Variants in APBB2 observed in about 807,000 individuals in gnomAD.
The protein encoded by APBB2 is amyloid beta precursor protein binding family B member 2.
APBB2 carries 38 observed loss-of-function variants against 82.5 expected under a neutral mutation model. The observed-to-expected ratio is 0.46, with a 90% CI of 0.36 to 0.60. APBB2 has a LOEUF of 0.60. Ranked by LOEUF, APBB2 falls within the 20% of genes least tolerant of loss-of-function variation. APBB2 has a pLI of 0.00. For missense variants in APBB2, 772 were observed against 972.3 expected (o/e 0.79, Z 2.74); for synonymous variants, 341 against 368.2 (o/e 0.93, Z 0.85).
chr4:40,881,076 T>C (rs1007385784), intron 12 of APBB2: 6 of 985,290 alleles, frequency 6.1e-6, no homozygotes, highest in African/African-American at 1.7e-5. Context: ...TCATGATTAA[T>C]GGAAGGCAGA....
At chr4:41,040,966 C>T (rs753334589) in intron 4 of APBB2, among the ~76,000 whole-genome samples, 11 of 152,080 alleles carry the variant, frequency 7.2e-5, no homozygotes, top group Non-Finnish European at 1.2e-4. Flanking sequence ...CTGCAAGCTC[C>T]GCCTCCCGAG....
chr4:40,881,888 C>T (rs936092726), intron 12 of APBB2, among the ~76,000 whole-genome samples: 4 of 152,078 alleles, frequency 2.6e-5, no homozygotes, highest in African/African-American at 9.7e-5. Context: ...TTATCACAGA[C>T]AATTTCTAAT....
At position 41,162,198 on chromosome 4, in the gene APBB2, C is replaced by CT. The variant is rs563526597; in HGVS notation, c.-416-19057dup. Among the ~76,000 whole-genome samples, 350 of 135,782 alleles carry CT rather than the reference C, an allele frequency of 2.6e-3. 1 individual carries two copies. Among genetic ancestry groups the CT allele is most frequent in the Middle Eastern group, 0.012 (3 of 248 alleles). The allele number at this position is 135,782 out of a possible 152,430, so 89.1% of individuals were successfully genotyped here. A position where few individuals can be genotyped will look rare whatever the true frequency, so the allele number is the denominator to read the frequency against. ...CTGATCAGTGTTCAAATTTCCCCGT[C>CT]TTTTTTTTTTTTTTTTTTACAATTT... On this transcript the variant is annotated intron_variant, in intron 1 of 17. Coordinates refer to ENST00000508593, the MANE Select transcript of APBB2 (RefSeq NM_004307.2).
chr4:41,024,158 C>T (rs906404456), intron 5 of APBB2, among the ~76,000 whole-genome samples: 1 of 152,192 alleles, frequency 6.6e-6, no homozygotes, highest in Non-Finnish European at 1.5e-5. Context: ...GGACCCTTTC[C>T]TTATACCGTA....
chr4:41,181,323 C>G (rs1771276292), intron 1 of APBB2, among the ~76,000 whole-genome samples: 1 of 152,160 alleles, frequency 6.6e-6, no homozygotes, highest in South Asian at 2.1e-4. Flanking sequence ...CTTCCGCTCC[C>G]TTACCTTGGA....
At chr4:40,920,278 C>A (rs1308123016) in intron 10 of APBB2, among the ~76,000 whole-genome samples, 1 of 152,168 alleles carries the variant, frequency 6.6e-6, no homozygotes, top group Non-Finnish European at 1.5e-5. Context: ...GTAAGATGTG[C>A]CTTTCGCCTT....
In APBB2 at chr4:41,127,053, T is replaced by TG. The variant is rs1754606000; in HGVS notation, c.-261+15933dup. On this transcript the variant is annotated intron_variant, in intron 2 of 17. Coordinates refer to ENST00000508593, the MANE Select transcript of APBB2 (RefSeq NM_004307.2). This position sits in a 1 kb window ranked among gnomAD's most constrained non-coding sequence, Gnocchi z 4.8. ...TTTCCATTTATTCTTACCAGTGCCA[T>TG]GAGGCTAGACTCAATAAACTCACAA... is the stretch of plus-strand genomic sequence containing the variant. Among the ~76,000 whole-genome samples the TG allele has an allele frequency of 6.6e-6, 1 of 152,182 alleles. No individual in the cohort carries two copies. The highest frequency in any genetic ancestry group is 1.5e-5 in the Non-Finnish European group (1 of 68,024).
intron 2 of APBB2, among the ~76,000 whole-genome samples, chr4:41,133,146 G>GT (rs1198175509): frequency 6.6e-6 from 1 of 151,870 alleles, no homozygotes; most frequent in Admixed American, 6.6e-5. Flanking sequence ...ATATGTACAC[G>GT]TAAGTGTGTA....
chr4:40,894,248 A>T lies in APBB2; in HGVS notation c.1255-837T>A, dbSNP rs555104423. Among the ~76,000 whole-genome samples, 4 of 152,100 alleles carry T rather than the reference A, an allele frequency of 2.6e-5. No homozygotes were observed. The South Asian group carries it at 8.3e-4, about 32-fold the overall frequency. On this transcript the variant is annotated intron_variant, in intron 10 of 17. Coordinates refer to ENST00000508593, the MANE Select transcript of APBB2 (RefSeq NM_004307.2). ...GCTTGCAGTGAGCCGAGATCGCGCC[A>T]CTGCACTCCAGCCTGGGTGACACAG... is the stretch of plus-strand genomic sequence containing the variant.
intron 10 of APBB2, among the ~76,000 whole-genome samples, chr4:40,914,688 A>G (rs1228738204): frequency 6.6e-6 from 1 of 152,240 alleles, no homozygotes; most frequent in Non-Finnish European, 1.5e-5. Flanking sequence ...CTAACTCTGT[A>G]TTTCCTCTAG....
intron 6 of APBB2, among the ~76,000 whole-genome samples, chr4:40,982,400 G>GGAAGAAAGAAAGAAA (rs1553894088): frequency 6.2e-5 from 1 of 16,050 alleles, no homozygotes; most frequent in African/African-American, 2.0e-4. Context: ...GGAAAGGAAA[G>GGAAGAAAGAAAGAAA]GAAAGAAAGA....
At chr4:40,852,351 CAAAAAA>C (rs771660810) in intron 12 of APBB2, among the ~76,000 whole-genome samples, 10 of 94,008 alleles carry the variant, frequency 1.1e-4, no homozygotes, top group East Asian at 6.4e-4. Flanking sequence ...ACTCTGTCTT[CAAAAAA>C]AAAAAAAAAA....
At chr4:41,164,709 A>G (rs1319811257) in intron 1 of APBB2, among the ~76,000 whole-genome samples, 1 of 152,266 alleles carries the variant, frequency 6.6e-6, no homozygotes. Context: ...CAGCTAGTTT[A>G]TCCTCTGGAC....
chr4:40,869,100 C>G (rs1197264424), intron 12 of APBB2, among the ~76,000 whole-genome samples: 1 of 152,050 alleles, frequency 6.6e-6, no homozygotes, highest in African/African-American at 2.4e-5. Flanking sequence ...GAGATCTTGG[C>G]TCACTGCAAT....
chr4:41,210,521 C>A (rs1779060976), intron 1 of APBB2, among the ~76,000 whole-genome samples: 2 of 152,166 alleles, frequency 1.3e-5, no homozygotes, highest in Admixed American at 1.3e-4. Context: ...GAGAGAAATG[C>A]CGTCAACACA....
At chr4:41,213,867 A>C (rs1779961150) in intron 1 of APBB2, among the ~76,000 whole-genome samples, 2 of 152,206 alleles carry the variant, frequency 1.3e-5, no homozygotes, top group African/African-American at 4.8e-5. Flanking sequence ...TGGAGAAGCC[A>C]ACCCCGGCTC....
intron 4 of APBB2, among the ~76,000 whole-genome samples, chr4:41,060,734 G>A (rs574209543): frequency 1.6e-4 from 25 of 152,158 alleles, no homozygotes; most frequent in South Asian, 8.3e-4. Context: ...GAAAGAGAAC[G>A]ACTCTGCTGC....
At chr4:40,897,307 G>T (rs1773936947) in intron 10 of APBB2, among the ~76,000 whole-genome samples, 1 of 152,100 alleles carries the variant, frequency 6.6e-6, no homozygotes, top group Non-Finnish European at 1.5e-5. Flanking sequence ...AGTTCGAGAC[G>T]AGCCTGGCCA....
chr4:40,870,124 T>C (rs187275569), intron 12 of APBB2, among the ~76,000 whole-genome samples: 13 of 152,266 alleles, frequency 8.5e-5, no homozygotes, highest in Admixed American at 6.5e-4. Context: ...ATAATCCTTC[T>C]AGGAAAGAAT....
Sources: allele counts gnomAD v4.1 joint callset (sites outside exome capture counted in the v4.1 genomes callset), GRCh38; gene constraint gnomAD v4.1.1; non-coding constraint Gnocchi (gnomAD v3.1); transcripts MANE v1.5; gene names NCBI Gene and HGNC (gene_info 2026-07-23, HGNC 2026-07-21).